Variants in LUC7L3 observed in about 807,000 individuals in gnomAD.
The protein encoded by LUC7L3 is luc7-like protein 3.
Under a neutral mutation model 66.8 loss-of-function variants are expected in LUC7L3, and 6 were observed. The observed-to-expected ratio is 0.09, with a 90% CI of 0.05 to 0.18. The LOEUF (loss-of-function observed/expected upper bound fraction) is 0.18. LUC7L3 is among the 10% of genes least tolerant of loss of function. The pLI, the probability that LUC7L3 is intolerant of heterozygous loss-of-function variation, is 1.00. For missense variants in LUC7L3, 341 were observed against 531.1 expected (o/e 0.64, Z 3.52); for synonymous variants, 160 against 174.7 (o/e 0.92, Z 0.66).
rs1597949650 is a variant in LUC7L3 at position 50,751,982 on chromosome 17, A to G, written c.*1321A>G. The G allele has an allele frequency of 3.8e-6, 4 of 1,040,002 alleles. No individual in the cohort carries two copies. The highest frequency in any genetic ancestry group is 4.6e-6 in the Non-Finnish European group (4 of 861,730). 64.4% of individuals were successfully genotyped at this position (1,040,002 alleles called of 1,614,324 possible). The stretch of plus-strand genomic sequence containing the variant: ...GTGGCATTCCCCTTTTGGGAAAGCA[A>G]TGTAAGGTTATGTCTGTGTATGTCA... On this transcript the variant is annotated 3_prime_UTR_variant, in exon 10 of 10. Coordinates refer to ENST00000505658, the MANE Select transcript of LUC7L3 (RefSeq NM_016424.5).
rs1971048838 is a variant in LUC7L3 at position 50,753,199 on chromosome 17, A to G, written c.*2538A>G. On this transcript the variant is annotated 3_prime_UTR_variant, in exon 10 of 10. Coordinates refer to ENST00000505658, the MANE Select transcript of LUC7L3 (RefSeq NM_016424.5). ...TAGCCAGCTTCTTCGACTGTATAAA[A>G]GTATTCTCTCCAGCTACGTATATAC... The G allele has an allele frequency of 6.6e-6, 1 of 152,600 alleles. No homozygotes were observed. Among genetic ancestry groups the G allele is most frequent in the African/African-American group, 2.4e-5 (1 of 41,460 alleles). The allele number at this position is 152,600 out of a possible 1,614,324, so 9.5% of individuals were successfully genotyped here.
At chr17:50,746,846 T>G (rs1970699082) in intron 9 of LUC7L3, 144 bp downstream of exon 9, 1 of 604,818 alleles carries the variant, frequency 1.7e-6, no homozygotes, top group Admixed American at 3.5e-5. Context: ...GAGACAGGCA[T>G]TCTTTCCCCC....
At chr17:50,746,260 T>C (rs113979781) in intron 8 of LUC7L3, among the ~76,000 whole-genome samples, 2 of 152,178 alleles carry the variant, frequency 1.3e-5, no homozygotes, top group African/African-American at 2.4e-5. Flanking sequence ...CTTAAGTGCT[T>C]GTCTCACTGA....
chr17:50,731,249 A>G (rs1412502601), intron 1 of LUC7L3, among the ~76,000 whole-genome samples: 1 of 151,652 alleles, frequency 6.6e-6, no homozygotes, highest in Non-Finnish European at 1.5e-5. Context: ...GCTAACTGCA[A>G]CCTCTCCCTC....
intron 1 of LUC7L3, among the ~76,000 whole-genome samples, chr17:50,733,721 G>C (rs920273884): frequency 6.6e-6 from 1 of 152,166 alleles, no homozygotes; most frequent in Non-Finnish European, 1.5e-5. Context: ...TTTCATGTGT[G>C]TGAGGATGGC....
rs555395710 is a variant in LUC7L3, at chr17:50,745,474, CTATT to C, written c.694-241_694-238del. Among the ~76,000 whole-genome samples the C allele has an allele frequency of 2.1e-3, 319 of 152,198 alleles. 1 individual carries two copies. Among genetic ancestry groups the C allele is most frequent in the Middle Eastern group, 6.8e-3 (2 of 294 alleles). On this transcript the variant is annotated intron_variant, in intron 7 of 9. Transcript: ENST00000505658. ...GCATTGTGAGTTCTGTGAAATTTTG[CTATT>C]TATTGAACTATGAAAGCACTTGATT...
intron 1 of LUC7L3, among the ~76,000 whole-genome samples, chr17:50,726,885 T>C (rs1009244396): frequency 6.6e-5 from 10 of 152,040 alleles, no homozygotes; most frequent in Non-Finnish European, 1.5e-4. Context: ...GGTCAGGAGT[T>C]GGAGACCAGC....
At chr17:50,733,401 T>G (rs1173058614) in intron 1 of LUC7L3, among the ~76,000 whole-genome samples, 2 of 130,260 alleles carry the variant, frequency 1.5e-5, no homozygotes, top group Non-Finnish European at 3.2e-5. Flanking sequence ...CTGGCTAGTT[T>G]TTTTTTTTTT....
In LUC7L3 at chr17:50,755,729, A is replaced by G. The variant is rs1971097106; in HGVS notation, c.*5068A>G. On this transcript the variant is annotated 3_prime_UTR_variant, in exon 10 of 10. Transcript: ENST00000505658. ...CATTCCCGGATACATACCCTAGAGAAACTCTTACACATGCGTACCAGGGGA... is the reference window on the plus strand; with the variant it reads ...CATTCCCGGATACATACCCTAGAGAGACTCTTACACATGCGTACCAGGGGA... 1 of 152,206 alleles carries G rather than the reference A, an allele frequency of 6.6e-6. No individual in the cohort carries two copies. The highest frequency in any genetic ancestry group is 6.5e-5 in the Admixed American group (1 of 15,284). The allele number at this position is 152,206 out of a possible 1,614,324, so 9.4% of individuals were successfully genotyped here.
Position 50,751,391 on chromosome 17 carries a change from C to T in LUC7L3, c.*730C>T. On this transcript the variant is annotated 3_prime_UTR_variant, in exon 10 of 10. Coordinates refer to ENST00000505658, the MANE Select transcript of LUC7L3 (RefSeq NM_016424.5). The stretch of plus-strand genomic sequence containing the variant: ...CTCATGCCAGGTACTCCTTTCTCTA[C>T]CCACATCCATGTTTGAATGCTATTG... The T allele has an allele frequency of 1.5e-6, 2 of 1,291,554 alleles. No homozygotes were observed. Among genetic ancestry groups the T allele is most frequent in the Non-Finnish European group, 2.0e-6 (2 of 990,194 alleles). 80.0% of individuals were successfully genotyped at this position (1,291,554 alleles called of 1,614,324 possible). A position where few individuals can be genotyped will look rare whatever the true frequency, so the allele number is the denominator to read the frequency against.
intron 4 of LUC7L3, 100 bp downstream of exon 4, chr17:50,741,346 G>A (rs1204180743): frequency 8.2e-7 from 1 of 1,219,282 alleles, no homozygotes; most frequent in Admixed American, 2.9e-5. Flanking sequence ...TCATTACTTT[G>A]TTCTTTAAAA....
At chr17:50,727,926 A>G (rs2146701310) in intron 1 of LUC7L3, among the ~76,000 whole-genome samples, 1 of 150,330 alleles carries the variant, frequency 6.7e-6, no homozygotes, top group East Asian at 1.9e-4. Flanking sequence ...AACATGGTGA[A>G]ACCCCATCTC....
At position 50,753,173 on chromosome 17, in the gene LUC7L3, A is replaced by G. The variant is rs1397245462; in HGVS notation, c.*2512A>G. 4 of 152,440 alleles carry G rather than the reference A, an allele frequency of 2.6e-5. No individual in the cohort carries two copies. Among genetic ancestry groups the G allele is most frequent in the Non-Finnish European group, 4.4e-5 (3 of 68,046 alleles). The allele number at this position is 152,440 out of a possible 1,614,324, so 9.4% of individuals were successfully genotyped here. A position where few individuals can be genotyped will look rare whatever the true frequency, so the allele number is the denominator to read the frequency against. On this transcript the variant is annotated 3_prime_UTR_variant, in exon 10 of 10. Coordinates refer to ENST00000505658, the MANE Select transcript of LUC7L3 (RefSeq NM_016424.5). ...GAAAACCGGCAGCATGTTTCTATCTATAGCCAGCTTCTTCGACTGTATAAA... is the reference window on the plus strand; with the variant it reads ...GAAAACCGGCAGCATGTTTCTATCTGTAGCCAGCTTCTTCGACTGTATAAA...
intron 9 of LUC7L3, chr17:50,748,359 CAG>C (rs938680250): frequency 2.6e-5 from 4 of 152,082 alleles, no homozygotes; most frequent in Admixed American, 6.6e-5. Context: ...CAGTGTCACC[CAG>C]GCTGAGTGCA....
chr17:50,736,065 G>A (rs1424472986), intron 1 of LUC7L3, among the ~76,000 whole-genome samples: 1 of 152,172 alleles, frequency 6.6e-6, no homozygotes, highest in Non-Finnish European at 1.5e-5. Flanking sequence ...CCTGGGAGGC[G>A]GAGCTTGCAG....
At chr17:50,724,010 T>G (rs758116225) in intron 1 of LUC7L3, 1 of 453,136 alleles carries the variant, frequency 2.2e-6, no homozygotes, top group Non-Finnish European at 4.4e-6. Context: ...ATGTGTTATA[T>G]GTGTATGTAA....
chr17:50,746,087 G>T, intron 8 of LUC7L3, 84 bp downstream of exon 8: 1 of 1,448,280 alleles, frequency 6.9e-7, no homozygotes, highest in African/African-American at 1.4e-5. Flanking sequence ...TCCTTGGAAT[G>T]GTACTTGGGA....
Position 50,750,892 on chromosome 17 carries a change from G to A in LUC7L3, c.*231G>A. ...CTCAGCTATTTTGTAGCAGACTCGTGCCCCCATTAGTGTGCCTCTTTGGAA... is the reference window on the plus strand; with the variant it reads ...CTCAGCTATTTTGTAGCAGACTCGTACCCCCATTAGTGTGCCTCTTTGGAA... On this transcript the variant is annotated 3_prime_UTR_variant, in exon 10 of 10. Coordinates refer to ENST00000505658, the MANE Select transcript of LUC7L3 (RefSeq NM_016424.5). 1 of 1,536,054 alleles carries A rather than the reference G, an allele frequency of 6.5e-7. No homozygotes were observed. Among genetic ancestry groups the A allele is most frequent in the Non-Finnish European group, 8.7e-7 (1 of 1,146,850 alleles).
At chr17:50,738,256 A>G (rs534209481) in intron 2 of LUC7L3, 1 of 381,924 alleles carries the variant, frequency 2.6e-6, no homozygotes, top group East Asian at 8.3e-5. Flanking sequence ...TTTTCCTATG[A>G]TAAAGCCCAT....
Sources: gnomAD v4.1 joint callset for allele counts (sites outside exome capture counted in the v4.1 genomes callset) on GRCh38, gnomAD v4.1.1 for gene constraint, MANE v1.5 for transcripts, NCBI Gene and HGNC (gene_info 2026-07-23, HGNC 2026-07-21) for gene names.